Variants in CSMD1 observed in about 807,000 individuals in gnomAD.
CSMD1 encodes the protein CUB and sushi domain-containing protein 1.
In CSMD1, 213 loss-of-function variants were observed where a neutral mutation model predicts 417.5. The observed-to-expected ratio is 0.51, with a 90% CI of 0.46 to 0.57. CSMD1 has a LOEUF of 0.57. Ranked by LOEUF, CSMD1 falls within the 20% of genes least tolerant of loss-of-function variation. The pLI, the probability that CSMD1 is intolerant of heterozygous loss-of-function variation, is 0.00. For missense variants in CSMD1, 6,923 were observed against 4,529.7 expected (o/e 1.53, Z -15.17); for synonymous variants, 2,862 against 1,736.8 (o/e 1.65, Z -16.11).
At chr8:2,966,529 C>G (rs1443252982) in intron 58 of CSMD1, 41 bp downstream of exon 58, 31 of 1,565,730 alleles carry the variant, frequency 2.0e-5, no homozygotes, top group Non-Finnish European at 2.7e-5. Context: ...GAGTGAATTT[C>G]ATAGTAACGT....
chr8:3,255,507 G>A (rs1192253134), intron 26 of CSMD1, among the ~76,000 whole-genome samples: 2 of 152,200 alleles, frequency 1.3e-5, no homozygotes, highest in Non-Finnish European at 2.9e-5. Context: ...GAGCTGTGGT[G>A]GGCTCCACCC....
chr8:4,008,219 ATCAAGT>A (rs1469966317), intron 4 of CSMD1, among the ~76,000 whole-genome samples: 1 of 152,076 alleles, frequency 6.6e-6, no homozygotes, highest in East Asian at 1.9e-4. Flanking sequence ...TTCAAGTTCC[ATCAAGT>A]TCAAGTTTAA....
intron 25 of CSMD1, among the ~76,000 whole-genome samples, chr8:3,284,838 G>A (rs1167422718): frequency 1.3e-5 from 2 of 152,162 alleles, no homozygotes; most frequent in Non-Finnish European, 2.9e-5. Context: ...TGAATGGTCT[G>A]CTCTTGTGTT....
Position 3,347,983 on chromosome 8 carries a change from TC to T in CSMD1, c.3474+8del. On this transcript the variant is annotated splice_region_variant and intron_variant, in intron 22 of 69. Coordinates refer to ENST00000635120, the MANE Select transcript of CSMD1 (RefSeq NM_033225.6). The stretch of plus-strand genomic sequence containing the variant: ...TTGGAGTCATCATGTTGGAGAAGAT[TC>T]TTTTTACCTTTAGAGTATCTCCTTC... 1 of 1,552,086 alleles carries T rather than the reference TC, an allele frequency of 6.4e-7. No individual in the cohort carries two copies. The highest frequency in any genetic ancestry group is 8.7e-7 in the Non-Finnish European group (1 of 1,153,098).
intron 7 of CSMD1, among the ~76,000 whole-genome samples, chr8:3,676,372 A>C (rs912224232): frequency 2.0e-5 from 3 of 152,198 alleles, no homozygotes; most frequent in Non-Finnish European, 4.4e-5. Flanking sequence ...ATTGTTGTCA[A>C]AACTAGATGA....
At chr8:4,441,193 G>A (rs1191251908) in intron 2 of CSMD1, among the ~76,000 whole-genome samples, 4 of 136,440 alleles carry the variant, frequency 2.9e-5, no homozygotes, top group South Asian at 2.5e-4. Context: ...CAAACTCCTG[G>A]GATCAAGCAA....
At chr8:3,260,341 C>A (rs1287356210) in intron 26 of CSMD1, among the ~76,000 whole-genome samples, 2 of 152,050 alleles carry the variant, frequency 1.3e-5, no homozygotes, top group South Asian at 2.1e-4. Context: ...CAATGGGAAC[C>A]AGCAGCTGGA....
In CSMD1 at chr8:3,188,928, A is replaced by C; in HGVS notation, c.5482T>G (p.Cys1828Gly). Residue 1828 changes from cysteine (C) to glycine (G), a missense_variant, in exon 35 of 70, where the codon TGT becomes GGT. Cys to Gly is a radical substitution (Grantham distance 159). Transcript: ENST00000635120. ...TCCGTAACTATGATCTTCCATATAC[A>C]GTTCAAGTTGTTTCCGTATGGCTCA... ...YPEPYGNNLN[C>G]IWKIIVTEGS... 1 of 1,608,374 alleles carries C rather than the reference A, an allele frequency of 6.2e-7. No homozygotes were observed. The highest frequency in any genetic ancestry group is 8.5e-7 in the Non-Finnish European group (1 of 1,177,206).
At chr8:3,080,019 T>C (rs1813969503) in intron 49 of CSMD1, among the ~76,000 whole-genome samples, 1 of 152,192 alleles carries the variant, frequency 6.6e-6, no homozygotes, top group African/African-American at 2.4e-5. Context: ...ATCATGTAAT[T>C]TGTGAGAAAG....
At chr8:3,824,981 A>C (rs1187600222) in intron 5 of CSMD1, among the ~76,000 whole-genome samples, 1 of 152,210 alleles carries the variant, frequency 6.6e-6, no homozygotes, top group Non-Finnish European at 1.5e-5. Flanking sequence ...TAATAAACAC[A>C]TATTTTTAAA....
chr8:3,977,773 T>G (rs1016017842), intron 5 of CSMD1, among the ~76,000 whole-genome samples: 23 of 152,232 alleles, frequency 1.5e-4, no homozygotes, highest in South Asian at 6.2e-4. Flanking sequence ...GTATGCTTAG[T>G]TAATTTGCTC....
chr8:3,457,462 T>C (rs1482770475), intron 12 of CSMD1, among the ~76,000 whole-genome samples: 1 of 152,200 alleles, frequency 6.6e-6, no homozygotes, highest in Non-Finnish European at 1.5e-5. Context: ...CATGCTCACA[T>C]GTTAAAGCAA....
intron 4 of CSMD1, among the ~76,000 whole-genome samples, chr8:4,027,137 G>A (rs1305845838): frequency 6.6e-6 from 1 of 152,160 alleles, no homozygotes; most frequent in African/African-American, 2.4e-5. Context: ...CTCATGTTGG[G>A]TACACTACCA....
intron 3 of CSMD1, among the ~76,000 whole-genome samples, chr8:4,230,549 A>G (rs1484094882): frequency 6.6e-6 from 1 of 152,190 alleles, no homozygotes; most frequent in Admixed American, 6.5e-5. Context: ...GCTCAATTAT[A>G]TTGGACAATA....
chr8:3,143,288 G>A lies in CSMD1; in HGVS notation c.6032-614C>T, dbSNP rs76967080. Among the ~76,000 whole-genome samples the A allele has an allele frequency of 6.5e-3, 992 of 152,196 alleles. 10 individuals are homozygous for A. Among genetic ancestry groups the A allele is most frequent in the Non-Finnish European group, 0.011 (764 of 68,010 alleles). ...GCACAAGTTTATTAGTTTAGCAAGC[G>A]GTCATTTTCTATTGTGTTACGTGTG... On this transcript the variant is annotated intron_variant, in intron 40 of 69. Transcript: ENST00000635120.
chr8:3,495,236 T>C (rs908658705), intron 10 of CSMD1, among the ~76,000 whole-genome samples: 3 of 152,230 alleles, frequency 2.0e-5, no homozygotes, highest in African/African-American at 7.2e-5. Context: ...AATTTATAAG[T>C]GACCATCATC....
chr8:4,153,202 G>A (rs986867365), intron 3 of CSMD1, among the ~76,000 whole-genome samples: 3 of 152,148 alleles, frequency 2.0e-5, no homozygotes, highest in African/African-American at 7.2e-5. Context: ...CTGCTTTGCC[G>A]CTAACTCAGC....
intron 64 of CSMD1, among the ~76,000 whole-genome samples, chr8:2,954,560 T>C (rs1331460162): frequency 1.3e-5 from 2 of 152,270 alleles, no homozygotes; most frequent in South Asian, 4.1e-4. Flanking sequence ...CTATGACATT[T>C]CTTGTATCCT....
chr8:4,698,705 A>G (rs1276648587), intron 1 of CSMD1, among the ~76,000 whole-genome samples: 1 of 150,290 alleles, frequency 6.7e-6, no homozygotes, highest in African/African-American at 2.5e-5. Context: ...ACGGGGGAGC[A>G]TTTTCCTTCC....
Sources: allele counts gnomAD v4.1 joint callset (sites outside exome capture counted in the v4.1 genomes callset), GRCh38; gene constraint gnomAD v4.1.1; transcripts MANE v1.5; gene names NCBI Gene and HGNC (gene_info 2026-07-23, HGNC 2026-07-21).